AK7: variants seen among roughly 807,000 people sequenced by gnomAD.
The protein encoded by AK7 is adenylate kinase 7.
In AK7, 78 loss-of-function variants were observed where a neutral mutation model predicts 96.6. That is an observed-to-expected ratio of 0.81 (90% CI 0.67 to 0.97). The LOEUF is 0.97. Ranked by LOEUF, AK7 falls within the 50% of genes least tolerant of loss-of-function variation. The pLI, the probability that AK7 is intolerant of heterozygous loss-of-function variation, is 0.00. For missense variants in AK7, 855 were observed against 887.9 expected, an observed-to-expected ratio of 0.96 and a Z score of 0.47; for synonymous variants, 302 against 317.2, an observed-to-expected ratio of 0.95 and a Z score of 0.51.
At chr14:96,424,037 C>G (rs1168079217) in intron 5 of AK7, 4 of 747,894 alleles carry the variant, frequency 5.3e-6, no homozygotes, top group Non-Finnish European at 9.9e-6. Context: ...TAGAGTTTCC[C>G]TAAATCAAGA....
chr14:96,471,611 G>C lies in AK7; in HGVS notation c.1486+5G>C. ...AAGCAAAAGACCTGTTCAATCGTAAGTTTGAGTGTTCTATTTTGAGTATTT... is the reference window on the plus strand; with the variant it reads ...AAGCAAAAGACCTGTTCAATCGTAACTTTGAGTGTTCTATTTTGAGTATTT... On this transcript the variant is annotated splice_donor_5th_base_variant and intron_variant, in intron 13 of 17. Coordinates refer to ENST00000267584, the MANE Select transcript of AK7 (RefSeq NM_152327.5). 3 of 1,535,634 alleles carry C rather than the reference G, an allele frequency of 2.0e-6. No homozygotes were observed. The highest frequency in any genetic ancestry group is 2.6e-6 in the Non-Finnish European group (3 of 1,145,212).
chr14:96,442,952 T>C, intron 7 of AK7, 134 bp downstream of exon 7: 1 of 762,868 alleles, frequency 1.3e-6, no homozygotes, highest in Non-Finnish European at 2.2e-6. Flanking sequence ...GTAACAACCC[T>C]ATGCAGAAGG....
chr14:96,481,051 G>A (rs1042190833), intron 15 of AK7, among the ~76,000 whole-genome samples: 3 of 152,094 alleles, frequency 2.0e-5, no homozygotes, highest in African/African-American at 7.2e-5. Context: ...GGCCTGTGTG[G>A]TAGGCTGAGG....
chr14:96,456,649 T>TC, intron 11 of AK7, 174 bp downstream of exon 11: 1 of 630,068 alleles, frequency 1.6e-6, no homozygotes. Context: ...TGGCTTCTCT[T>TC]CCCCCTCAGG....
chr14:96,447,034 T>C (rs1201766245), intron 8 of AK7, among the ~76,000 whole-genome samples: 1 of 152,190 alleles, frequency 6.6e-6, no homozygotes, highest in African/African-American at 2.4e-5. Flanking sequence ...CTAAGAAGAA[T>C]ATCCGTAAAA....
rs1269750845 is a variant in AK7 at position 96,436,782 on chromosome 14, T to TC, written c.610-1050dup. ...CCATGTGAGCTTGGCCCCTCCTCCT[T>TC]CCCTTCTCTCTGGGACTCCAGGGAT... On this transcript the variant is annotated intron_variant, in intron 5 of 17. Coordinates refer to ENST00000267584, the MANE Select transcript of AK7 (RefSeq NM_152327.5). Among the ~76,000 whole-genome samples, 10 of 152,264 alleles carry TC rather than the reference T, an allele frequency of 6.6e-5. No homozygotes were observed. The East Asian group carries it at 1.9e-3, about 29-fold the overall frequency.
At chr14:96,448,472 T>A (rs1893372125) in intron 8 of AK7, among the ~76,000 whole-genome samples, 2 of 151,288 alleles carry the variant, frequency 1.3e-5, no homozygotes, top group Admixed American at 6.6e-5. Context: ...CTATAAAAAA[T>A]TTTAAAAATT....
At chr14:96,473,728 C>G (rs549893340) in intron 14 of AK7, among the ~76,000 whole-genome samples, 1 of 152,258 alleles carries the variant, frequency 6.6e-6, no homozygotes, top group Non-Finnish European at 1.5e-5. Context: ...ACTGCTCTCT[C>G]CTGTAACAAA....
At chr14:96,467,392 A>G (rs1259007970) in intron 12 of AK7, among the ~76,000 whole-genome samples, 10 of 151,654 alleles carry the variant, frequency 6.6e-5, no homozygotes, top group African/African-American at 2.2e-4. Flanking sequence ...CTGGAGTGCA[A>G]TGGTGCAATC....
intron 2 of AK7, among the ~76,000 whole-genome samples, chr14:96,402,185 GCACACA>G (rs34222287): frequency 0.013 from 1,834 of 146,228 alleles, 28 homozygotes; most frequent in South Asian, 0.035. Context: ...ATACACAGAT[GCACACA>G]CACACACACA....
At chr14:96,411,519 A>T (rs192512112) in intron 4 of AK7, among the ~76,000 whole-genome samples, 5 of 152,284 alleles carry the variant, frequency 3.3e-5, no homozygotes, top group South Asian at 2.1e-4. Context: ...TCAAAAAAAA[A>T]AATAAATAAA....
chr14:96,425,310 TATCAC>T (rs2140052651), intron 5 of AK7, among the ~76,000 whole-genome samples: 1 of 152,280 alleles, frequency 6.6e-6, no homozygotes. Flanking sequence ...TATCTACTGT[TATCAC>T]ATCCTCAGCC....
intron 4 of AK7, 143 bp from the exon 5 acceptor site, chr14:96,420,679 C>T (rs774243410): frequency 2.0e-4 from 118 of 588,688 alleles, no homozygotes; most frequent in South Asian, 5.6e-4. Context: ...GGCAACACAG[C>T]GAGACCCTGT....
At chr14:96,461,990 G>C (rs919951538) in intron 12 of AK7, among the ~76,000 whole-genome samples, 1 of 152,138 alleles carries the variant, frequency 6.6e-6, no homozygotes, top group Non-Finnish European at 1.5e-5. Flanking sequence ...CTCTTTTCAC[G>C]CTTGGGGAGG....
chr14:96,447,463 C>A (rs1264680604), intron 8 of AK7, among the ~76,000 whole-genome samples: 2 of 151,898 alleles, frequency 1.3e-5, no homozygotes, highest in Non-Finnish European at 2.9e-5. Flanking sequence ...CACAGGCGTG[C>A]ACCACCGTAC....
chr14:96,409,791 C>T (rs1009190021), intron 4 of AK7, among the ~76,000 whole-genome samples: 4 of 152,144 alleles, frequency 2.6e-5, no homozygotes, highest in South Asian at 2.1e-4. Flanking sequence ...GTAAAATTGA[C>T]GTTTGGTGCT....
intron 4 of AK7, among the ~76,000 whole-genome samples, chr14:96,414,541 G>A (rs905873052): frequency 2.0e-5 from 3 of 152,130 alleles, no homozygotes; most frequent in Non-Finnish European, 2.9e-5. Context: ...TTGGACTGCT[G>A]CTACTAGTCT....
intron 10 of AK7, among the ~76,000 whole-genome samples, chr14:96,455,125 C>A (rs1020256262): frequency 6.6e-6 from 1 of 152,070 alleles, no homozygotes; most frequent in Non-Finnish European, 1.5e-5. Context: ...CGAGATCATG[C>A]CATTGCACTC....
At chr14:96,431,312 T>C (rs1422324845) in intron 5 of AK7, among the ~76,000 whole-genome samples, 1 of 152,180 alleles carries the variant, frequency 6.6e-6, no homozygotes, top group African/African-American at 2.4e-5. Context: ...CTTTTGAATT[T>C]GTTTGCTCTT....
Sources: gnomAD v4.1 joint callset for allele counts (sites outside exome capture counted in the v4.1 genomes callset) on GRCh38, gnomAD v4.1.1 for gene constraint, MANE v1.5 for transcripts, NCBI Gene and HGNC (gene_info 2026-07-23, HGNC 2026-07-21) for gene names.